The following RFX6 variants were observed in gnomAD, a reference collection of about 807,000 sequenced individuals.
RFX6 encodes DNA-binding protein RFX6.
Under a neutral mutation model 110.8 loss-of-function variants are expected in RFX6, and 50 were observed. The observed-to-expected ratio is 0.45, with a 90% CI of 0.36 to 0.57. RFX6 has a LOEUF of 0.57. RFX6 is among the 20% of genes least tolerant of loss of function. The pLI is 0.00. For missense variants in RFX6, 990 were observed against 1,127.0 expected (o/e 0.88, Z 1.74); for synonymous variants, 383 against 411.2 (o/e 0.93, Z 0.83).
At chr6:116,913,711 A>G (rs1775405674) in intron 7 of RFX6, among the ~76,000 whole-genome samples, 1 of 152,270 alleles carries the variant, frequency 6.6e-6, no homozygotes, top group Non-Finnish European at 1.5e-5. Context: ...ATAAAGCAAT[A>G]AATTTTGTAA....
In RFX6 at chr6:116,927,256, T is replaced by C; in HGVS notation, c.2115T>C (p.Thr705=). 8 of 1,614,212 alleles carry C rather than the reference T, an allele frequency of 5.0e-6. No homozygotes were observed. Among genetic ancestry groups the C allele is most frequent in the Non-Finnish European group, 6.8e-6 (8 of 1,180,034 alleles). Residue 705 remains threonine (T), a synonymous_variant, in exon 17 of 19, where the codon ACT becomes ACC. Transcript: ENST00000332958. ...ATAGCACCAGCTCTAACTACCAGAC[T>C]GTGTTTAGGGCACAGCCCCACTCCA... ...DFYSTSSNYQ[T]VFRAQPHSTS... is the part of the protein sequence containing the mutation.
chr6:116,908,689 G>GACACAC (rs35170155), intron 6 of RFX6, among the ~76,000 whole-genome samples: 6 of 118,980 alleles, frequency 5.0e-5, no homozygotes, highest in Admixed American at 8.6e-5. Context: ...CACACACACA[G>GACACAC]ACACACACAC....
chr6:116,908,373 G>T (rs1263285035), intron 6 of RFX6, among the ~76,000 whole-genome samples: 1 of 151,896 alleles, frequency 6.6e-6, no homozygotes, highest in Non-Finnish European at 1.5e-5. Flanking sequence ...AAACTTTATT[G>T]TTAACCATAA....
chr6:116,913,313 C>G (rs1307572158), intron 7 of RFX6, among the ~76,000 whole-genome samples: 1 of 152,202 alleles, frequency 6.6e-6, no homozygotes, highest in Non-Finnish European at 1.5e-5. Context: ...CCACCTGCCT[C>G]AGCCTCCCAA....
intron 11 of RFX6, among the ~76,000 whole-genome samples, chr6:116,919,518 T>A (rs1328185100): frequency 6.6e-6 from 1 of 151,940 alleles, no homozygotes; most frequent in Non-Finnish European, 1.5e-5. Flanking sequence ...TGTACCAATG[T>A]TAATTTCATA....
chr6:116,918,278 C>A (rs565577549), intron 10 of RFX6, among the ~76,000 whole-genome samples, 192 bp downstream of exon 10: 1 of 152,084 alleles, frequency 6.6e-6, no homozygotes, highest in African/African-American at 2.4e-5. Context: ...TGAAACAATC[C>A]TTCAATCCCT....
At chr6:116,878,155 A>G (rs1338436148) in intron 2 of RFX6, among the ~76,000 whole-genome samples, 1 of 152,238 alleles carries the variant, frequency 6.6e-6, no homozygotes, top group Non-Finnish European at 1.5e-5. Context: ...GATTTGCAAT[A>G]CAAATGAAAA....
chr6:116,882,298 T>C, intron 3 of RFX6, 69 bp from the exon 4 acceptor site: 1 of 1,072,940 alleles, frequency 9.3e-7, no homozygotes, highest in Non-Finnish European at 1.5e-6. Flanking sequence ...CCCCAAGTAA[T>C]TGGCTATGAG....
chr6:116,922,015 TTTC>T, intron 12 of RFX6, 24 bp from the exon 13 acceptor site: 1 of 1,074,498 alleles, frequency 9.3e-7, no homozygotes, highest in Non-Finnish European at 1.4e-6. Flanking sequence ...TTTTCTTTTC[TTTC>T]TTTTTTTTTT....
At chr6:116,929,245 G>A (rs1011450722) in intron 18 of RFX6, among the ~76,000 whole-genome samples, 1 of 152,114 alleles carries the variant, frequency 6.6e-6, no homozygotes, top group African/African-American at 2.4e-5. Context: ...GTATGCAAAA[G>A]ATTAATATGA....
At chr6:116,916,876 G>A (rs1775480048) in intron 9 of RFX6, among the ~76,000 whole-genome samples, 1 of 152,058 alleles carries the variant, frequency 6.6e-6, no homozygotes. Context: ...GCTAATTCTT[G>A]ACAGTCTCTT....
At chr6:116,898,760 T>C (rs1351799946) in intron 6 of RFX6, among the ~76,000 whole-genome samples, 1 of 152,108 alleles carries the variant, frequency 6.6e-6, no homozygotes, top group Non-Finnish European at 1.5e-5. Context: ...TTTGGTAGTT[T>C]TGCATTTCTC....
rs530081448 is a variant in RFX6 at position 116,889,374 on chromosome 6, T to C, written c.567-4613T>C. Among the ~76,000 whole-genome samples the C allele has an allele frequency of 2.5e-4, 38 of 152,114 alleles. 1 individual carries two copies. In the South Asian group the frequency reaches 7.9e-3, roughly 32 times the overall value. On this transcript the variant is annotated intron_variant, in intron 4 of 18. Coordinates refer to ENST00000332958, the MANE Select transcript of RFX6 (RefSeq NM_173560.4). Reference sequence around the variant, plus strand: ...ATGAGGAATACAGTGAAGGGAAAGATAAAATTCTCATCCTCGAAATCTTAG... The same window carrying C: ...ATGAGGAATACAGTGAAGGGAAAGACAAAATTCTCATCCTCGAAATCTTAG...
At position 116,927,093 on chromosome 6, in the gene RFX6, G is replaced by A. The variant is rs536252717; in HGVS notation, c.1952G>A (p.Ser651Asn). 3.1e-6 allele frequency: 5 copies of A among 1,614,068 alleles called. No homozygotes were observed. The highest frequency in any genetic ancestry group is 1.1e-5 in the South Asian group (1 of 91,078). The change falls in exon 17 of 19, where the codon AGC (serine) becomes AAC (asparagine). Residue 651 changes from serine (S) to asparagine (N), a missense_variant. By Grantham distance (46) the Ser-to-Asn change is conservative. Around this residue, in one of 5 missense-constraint regions of RFX6, gnomAD observed 438 missense variants for 441.9 expected, o/e 0.99. Transcript: ENST00000332958. ...CCACCCATTTCTCCAGCCATGGCAA[G>A]CCGAGGAAGTGTCATTAACCAAGGA... ...MTPPISPAMASRGSVINQGPM... is the reference protein window; with the variant it reads ...MTPPISPAMANRGSVINQGPM...
At chr6:116,928,157 T>C (rs1276509483) in intron 17 of RFX6, among the ~76,000 whole-genome samples, 4 of 152,136 alleles carry the variant, frequency 2.6e-5, no homozygotes, top group Non-Finnish European at 5.9e-5. Flanking sequence ...TTCTGTCTTT[T>C]GAAAACATTT....
chr6:116,906,933 C>T (rs1301546276), intron 6 of RFX6, among the ~76,000 whole-genome samples: 1 of 150,892 alleles, frequency 6.6e-6, no homozygotes, highest in Non-Finnish European at 1.5e-5. Flanking sequence ...TGAAAGCAGA[C>T]TTGCTTTGTT....
chr6:116,891,961 A>C (rs946179417), intron 4 of RFX6, among the ~76,000 whole-genome samples: 3 of 152,038 alleles, frequency 2.0e-5, no homozygotes, highest in Admixed American at 2.0e-4. Flanking sequence ...TACTGTAAAA[A>C]TGAGCAGTTA....
intron 18 of RFX6, among the ~76,000 whole-genome samples, chr6:116,929,751 T>A (rs975555219): frequency 6.6e-6 from 1 of 152,146 alleles, no homozygotes; most frequent in Non-Finnish European, 1.5e-5. Flanking sequence ...GTGTTAATAT[T>A]TATATGAGAT....
chr6:116,931,452 C>G lies in RFX6; in HGVS notation c.2733C>G (p.Ser911=). 1.2e-6 allele frequency: 2 copies of G among 1,613,520 alleles called. No individual in the cohort carries two copies. The highest frequency in any genetic ancestry group is 1.7e-6 in the Non-Finnish European group (2 of 1,179,520). The part of the protein sequence containing the change: ...SHGTSSREMV[S]SLPPINTVFM... ...GAACAAGCAGTAGAGAAATGGTGTC[C>G]TCTTTACCACCTATCAACACTGTGT... The change falls in exon 19 of 19, where the codon TCC becomes TCG. Residue 911 remains serine, a synonymous_variant. Coordinates refer to ENST00000332958, the MANE Select transcript of RFX6 (RefSeq NM_173560.4).
Sources: allele counts gnomAD v4.1 joint callset (sites outside exome capture counted in the v4.1 genomes callset), GRCh38; gene constraint gnomAD v4.1.1; regional missense constraint gnomAD v4.1.1; transcripts MANE v1.5; gene names NCBI Gene and HGNC (gene_info 2026-07-23, HGNC 2026-07-21).